The following KAZN variants were observed in gnomAD, a reference collection of about 807,000 sequenced individuals.
KAZN encodes kazrin, periplakin interacting protein.
Under a neutral mutation model 87.4 loss-of-function variants are expected in KAZN, and 40 were observed. The observed-to-expected ratio is 0.46, with a 90% confidence interval of 0.36 to 0.60. The LOEUF is 0.60. Among genes scored for constraint, KAZN ranks in the 20% least tolerant of loss-of-function variants. KAZN has a pLI of 0.00. For missense variants in KAZN, 898 were observed against 1,073.9 expected, an observed-to-expected ratio of 0.84 and a Z score of 2.29; for synonymous variants, 466 against 458.3, an observed-to-expected ratio of 1.02 and a Z score of -0.22.
rs7516194 is a variant in KAZN, at chr1:14,773,152, G to T, written c.226+173929G>T. Among the ~76,000 whole-genome samples the T allele has an allele frequency of 0.023, 3,529 of 152,236 alleles. 150 individuals carry two copies. Among genetic ancestry groups the T allele is most frequent in the African/African-American group, 0.081 (3,345 of 41,526 alleles). On this transcript the variant is annotated intron_variant, in intron 1 of 14. Transcript: ENST00000376030. The surrounding 1 kb of genome is among the most constrained non-coding windows in gnomAD (Gnocchi z 5.9). ...CTCTCCTGCATGTGGAAGAAGCTTG[G>T]CAAGATTAGAGGTGCCTGCTCCTTT...
At chr1:15,043,927 C>A in intron 3 of KAZN, 62 bp from the exon 4 acceptor site, 3 of 1,507,624 alleles carry the variant, frequency 2.0e-6, no homozygotes, top group Non-Finnish European at 2.7e-6. Context: ...CTCTAGGCAT[C>A]CCTGGGCCAG....
Position 14,105,069 on chromosome 1 carries a change from T to C in KAZN, c.92-75366T>C, listed in dbSNP as rs137883906. On this transcript the variant is annotated intron_variant, in intron 1 of 16. Coordinates refer to the KAZN transcript ENST00000636203. ...GAACTCTGTGTCTCAAGGGATACAC[T>C]GTGCTCTATTTTTGTTTTTAGCATT... Among the ~76,000 whole-genome samples the C allele has an allele frequency of 2.9e-4, 44 of 152,324 alleles. 2 individuals are homozygous for C. In the East Asian group the frequency reaches 8.3e-3, roughly 29 times the overall value.
At chr1:15,106,202 G>A (rs1641290259) in intron 13 of KAZN, among the ~76,000 whole-genome samples, 1 of 152,116 alleles carries the variant, frequency 6.6e-6, no homozygotes, top group Non-Finnish European at 1.5e-5. Context: ...GATTACTTGA[G>A]CCCGGGAGTG....
intron 1 of KAZN, among the ~76,000 whole-genome samples, chr1:14,118,288 G>T (rs1644673806): frequency 6.6e-6 from 1 of 151,896 alleles, no homozygotes; most frequent in South Asian, 2.1e-4. Flanking sequence ...TCTATCAGTA[G>T]GGGCCAAGGC....
At chr1:14,460,523 G>A (rs1399469433) in intron 2 of KAZN, among the ~76,000 whole-genome samples, 1 of 152,168 alleles carries the variant, frequency 6.6e-6, no homozygotes, top group Non-Finnish European at 1.5e-5. Flanking sequence ...CCCCAAACAA[G>A]TTTCCCCAGG....
At chr1:14,139,588 T>A (rs1414209077) in intron 1 of KAZN, among the ~76,000 whole-genome samples, 3 of 152,214 alleles carry the variant, frequency 2.0e-5, no homozygotes, top group Non-Finnish European at 4.4e-5. Flanking sequence ...CTTGACCTGA[T>A]ATTTTAGTTA....
chr1:14,253,283 T>A (rs1650218222), intron 2 of KAZN, among the ~76,000 whole-genome samples: 1 of 152,188 alleles, frequency 6.6e-6, no homozygotes, highest in South Asian at 2.1e-4. Flanking sequence ...CATACAGCAT[T>A]TTAACAACCC....
intron 2 of KAZN, among the ~76,000 whole-genome samples, chr1:14,581,710 A>G (rs972509570): frequency 6.6e-6 from 1 of 151,932 alleles, no homozygotes; most frequent in Non-Finnish European, 1.5e-5. Flanking sequence ...ATTCCACTCC[A>G]TGCCTGCCCC....
chr1:14,337,619 G>A (rs1050240867), intron 2 of KAZN, among the ~76,000 whole-genome samples: 2 of 152,164 alleles, frequency 1.3e-5, no homozygotes, highest in Non-Finnish European at 2.9e-5. Context: ...TCCTTGGCTG[G>A]GTGCGGTGGC....
intron 2 of KAZN, among the ~76,000 whole-genome samples, chr1:14,292,869 A>C (rs1653823740): frequency 6.6e-6 from 1 of 152,182 alleles, no homozygotes; most frequent in African/African-American, 2.4e-5. Context: ...TTGCTCTTGT[A>C]AATGTGAAGA....
intron 2 of KAZN, among the ~76,000 whole-genome samples, chr1:15,022,418 A>G (rs992823509): frequency 6.6e-6 from 1 of 152,152 alleles, no homozygotes. Flanking sequence ...ATTATTCAAT[A>G]CTATTATCCC....
At position 15,094,080 on chromosome 1, in the gene KAZN, G is replaced by A; in HGVS notation, c.1223-100G>A. 1 of 998,106 alleles carries A rather than the reference G, an allele frequency of 1.0e-6. No individual in the cohort carries two copies. Among genetic ancestry groups the A allele is most frequent in the Non-Finnish European group, 1.5e-6 (1 of 671,562 alleles). The allele number at this position is 998,106 out of a possible 1,614,324, so 61.8% of individuals were successfully genotyped here. On this transcript the variant is annotated intron_variant, in intron 8 of 14. Coordinates refer to ENST00000376030, the MANE Select transcript of KAZN (RefSeq NM_201628.3). The surrounding 1 kb of genome is among the most constrained non-coding windows in gnomAD (Gnocchi z 4.5). ...TTTTGAAGAGAATACATGGAGGGGA[G>A]GATGTCCCCACCACCCTCTGCCTCC...
In KAZN at chr1:14,574,202, A is replaced by C. The variant is rs143203884; in HGVS notation, c.250-24781A>C. On this transcript the variant is annotated intron_variant, in intron 2 of 16. Coordinates refer to the KAZN transcript ENST00000636203. ...CCCTCACCCCCACCTTGGTTTCCTC[A>C]TGTATAGCTTGGGGAAGTTGAACTT... Among the ~76,000 whole-genome samples, 3 of 152,302 alleles carry C rather than the reference A, an allele frequency of 2.0e-5. No homozygotes were observed. The East Asian group carries it at 5.8e-4, about 29-fold the overall frequency.
At chr1:13,937,094 TG>T (rs1162937741) in intron 1 of KAZN, among the ~76,000 whole-genome samples, 3 of 151,330 alleles carry the variant, frequency 2.0e-5, no homozygotes, top group Non-Finnish European at 4.4e-5. Flanking sequence ...TTGCCCAGGC[TG>T]GAGTGCAGTG....
intron 2 of KAZN, among the ~76,000 whole-genome samples, chr1:14,437,059 TG>T (rs1166224077): frequency 7.9e-5 from 12 of 152,214 alleles, no homozygotes; most frequent in Non-Finnish European, 1.3e-4. Flanking sequence ...AGATAAAAAC[TG>T]TGTCTCATTC....
At chr1:14,249,996 A>G in intron 2 of KAZN, among the ~76,000 whole-genome samples, 1 of 152,170 alleles carries the variant, frequency 6.6e-6, no homozygotes, top group East Asian at 1.9e-4. Context: ...ACCCCAAAGC[A>G]GCAAAAAAGC....
At chr1:14,772,335 T>A (rs1313527651) in intron 1 of KAZN, among the ~76,000 whole-genome samples, 1 of 152,010 alleles carries the variant, frequency 6.6e-6, no homozygotes, top group Non-Finnish European at 1.5e-5. Context: ...AATTTAACAA[T>A]TAGCCAGGAG....
rs533057682 is a variant in KAZN, at chr1:14,879,671, G to A, written c.227-81013G>A. ...ATCTACACCACAGATTTGGGCCCAG[G>A]GAATTACCCCTAGTGGAGACCAACT... On this transcript the variant is annotated intron_variant, in intron 1 of 14. Coordinates refer to ENST00000376030, the MANE Select transcript of KAZN (RefSeq NM_201628.3). Among the ~76,000 whole-genome samples, 6 of 152,206 alleles carry A rather than the reference G, an allele frequency of 3.9e-5. No homozygotes were observed. In the South Asian group the frequency reaches 1.2e-3, roughly 32 times the overall value.
At chr1:14,157,402 T>A (rs1365965967) in intron 1 of KAZN, among the ~76,000 whole-genome samples, 4 of 152,222 alleles carry the variant, frequency 2.6e-5, no homozygotes, top group African/African-American at 9.6e-5. Flanking sequence ...ACATTTCTTG[T>A]AGGACAGGTC....
Sources: gnomAD v4.1 joint callset for allele counts (sites outside exome capture counted in the v4.1 genomes callset) on GRCh38, gnomAD v4.1.1 for gene constraint, Gnocchi (gnomAD v3.1) non-coding constraint, MANE v1.5 for transcripts, NCBI Gene and HGNC (gene_info 2026-07-23, HGNC 2026-07-21) for gene names.